Variants in PKM observed in about 807,000 individuals in gnomAD.
The protein encoded by PKM is pyruvate kinase M1/2.
Under a neutral mutation model 49.8 loss-of-function variants are expected in PKM, and 18 were observed. The ratio of observed to expected loss-of-function variants is 0.36; its 90% CI spans 0.25 to 0.54. The LOEUF (loss-of-function observed/expected upper bound fraction) is 0.54, where lower values mean the gene tolerates loss of function less well. Among genes scored for constraint, PKM ranks in the 20% least tolerant of loss-of-function variants. The probability of loss-of-function intolerance (pLI) is 0.89; values close to 1 mark genes in which losing one functional copy is unlikely to be tolerated. For synonymous variants in PKM, 239 were observed against 261.8 expected (o/e 0.91, Z 0.84); for missense variants, 508 against 713.8 (o/e 0.71, Z 3.28).
Position 72,199,512 on chromosome 15 carries a change from G to A in PKM, c.*138C>T, listed in dbSNP as rs768917291. ...AAACACAGCCATGTTTCAGTGAGGCGTTGATCTTCTTCCCTGGTGTCCCAA... is the reference window on the plus strand; with the variant it reads ...AAACACAGCCATGTTTCAGTGAGGCATTGATCTTCTTCCCTGGTGTCCCAA... On this transcript the variant is annotated 3_prime_UTR_variant, in exon 11 of 11. Transcript: ENST00000335181. 1.5e-5 allele frequency: 11 copies of A among 723,184 alleles called. No homozygotes were observed. The highest frequency in any genetic ancestry group is 4.0e-5 in the Admixed American group (2 of 50,006). The allele number at this position is 723,184 out of a possible 1,614,324, so 44.8% of individuals were successfully genotyped here.
Position 72,217,488 on chromosome 15 carries a change from C to A in PKM, c.167G>T (p.Arg56Leu). 1.2e-6 allele frequency: 2 copies of A among 1,607,228 alleles called. No homozygotes were observed. The highest frequency in any genetic ancestry group is 1.3e-5 in the African/African-American group (1 of 74,892). ...GIICTIGPAS[R>L]SVETLKEMIK... ...CATCTCCTTCAACGTCTCCACTGATCGGGAAGCTGGGCCTATTAGGAAAAG... is the reference window on the plus strand; with the variant it reads ...CATCTCCTTCAACGTCTCCACTGATAGGGAAGCTGGGCCTATTAGGAAAAG... Residue 56 changes from arginine (R) to leucine (L), a missense_variant, in exon 3 of 11, where the codon CGA becomes CTA. Coordinates refer to ENST00000335181, the MANE Select transcript of PKM (RefSeq NM_002654.6).
chr15:72,218,897 C>T (rs2082444134), intron 2 of PKM, 47 bp downstream of exon 2: 13 of 1,598,196 alleles, frequency 8.1e-6, no homozygotes, highest in African/African-American at 1.3e-5. Context: ...AGAGAAAGGT[C>T]ACTGCCCATG....
intron 4 of PKM, 181 bp from the exon 5 acceptor site, chr15:72,210,040 A>AT (rs2082209442): frequency 1.5e-6 from 1 of 667,958 alleles, no homozygotes; most frequent in Non-Finnish European, 2.7e-6. Flanking sequence ...CAAGAAAAGA[A>AT]TATGTTTCAG....
chr15:72,199,157 T>C lies in PKM; in HGVS notation c.*493A>G, dbSNP rs1596708864. On this transcript the variant is annotated 3_prime_UTR_variant, in exon 11 of 11. Coordinates refer to ENST00000335181, the MANE Select transcript of PKM (RefSeq NM_002654.6). ...TGCTGCAGGACAGCTGAGTGGAGGG[T>C]GGGGACAGGTGCAAACTGGAGAGGC... The C allele has an allele frequency of 3.1e-6, 1 of 326,330 alleles. No individual in the cohort carries two copies. The highest frequency in any genetic ancestry group is 6.0e-6 in the Non-Finnish European group (1 of 166,114). The allele number at this position is 326,330 out of a possible 1,614,324, so 20.2% of individuals were successfully genotyped here.
chr15:72,212,861 G>A (rs1177689745), intron 3 of PKM, among the ~76,000 whole-genome samples: 2 of 152,146 alleles, frequency 1.3e-5, no homozygotes, highest in African/African-American at 4.8e-5. Context: ...CACAAGGTCA[G>A]GAGATCGAGA....
intron 1 of PKM, chr15:72,228,713 G>A (rs2082758322): frequency 3.2e-6 from 3 of 943,148 alleles, no homozygotes. Flanking sequence ...TGCCCCCACA[G>A]CACCTCAGGC....
At chr15:72,217,697 T>G (rs2082410998) in intron 2 of PKM, among the ~76,000 whole-genome samples, 197 bp from the exon 3 acceptor site, 1 of 152,194 alleles carries the variant, frequency 6.6e-6, no homozygotes, top group Admixed American at 6.5e-5. Flanking sequence ...TTCGACCATT[T>G]CCTTCAAGTT....
At position 72,200,980 on chromosome 15, in the gene PKM, A is replaced by G; in HGVS notation, c.1308-325T>C. On this transcript the variant is annotated intron_variant, in intron 9 of 10. Transcript: ENST00000335181. The surrounding 1 kb of genome is among the most constrained non-coding windows in gnomAD (Gnocchi z 4.6). ...CCTCCTACACCCTGAACTCTGACAC[A>G]GAGAGGCAGCCCTGGCCCAATGTCA... The G allele has an allele frequency of 3.5e-6, 1 of 283,470 alleles. No homozygotes were observed. The highest frequency in any genetic ancestry group is 6.8e-6 in the Non-Finnish European group (1 of 148,110). 17.6% of individuals were successfully genotyped at this position (283,470 alleles called of 1,614,324 possible).
chr15:72,200,372 G>A lies in PKM; in HGVS notation c.1489+102C>T. 3 of 1,049,072 alleles carry A rather than the reference G, an allele frequency of 2.9e-6. No individual in the cohort carries two copies. The highest frequency in any genetic ancestry group is 3.7e-5 in the Admixed American group (2 of 54,012). 65.0% of individuals were successfully genotyped at this position (1,049,072 alleles called of 1,614,324 possible). A position where few individuals can be genotyped will look rare whatever the true frequency, so the allele number is the denominator to read the frequency against. ...GGCCTTTTGCCCCACTAAGGTCTGT[G>A]TGTTCCCCTTTCTATTCCCCAAACT... On this transcript the variant is annotated intron_variant, in intron 10 of 10. Transcript: ENST00000335181. This position sits in a 1 kb window ranked among gnomAD's most constrained non-coding sequence, Gnocchi z 4.6.
chr15:72,201,083 G>A (rs936033638), intron 9 of PKM: 2 of 175,928 alleles, frequency 1.1e-5, no homozygotes, highest in Admixed American at 1.1e-4. Context: ...CTTGACATCT[G>A]CAAGGAGCAG....
intron 1 of PKM, among the ~76,000 whole-genome samples, chr15:72,226,861 G>C (rs3743225): frequency 6.6e-6 from 1 of 152,324 alleles, no homozygotes; most frequent in Non-Finnish European, 1.5e-5. Flanking sequence ...TACTGCAGCC[G>C]GCTTGTTCCC....
chr15:72,224,088 C>T (rs2082598092), intron 1 of PKM, among the ~76,000 whole-genome samples: 1 of 152,144 alleles, frequency 6.6e-6, no homozygotes, highest in Non-Finnish European at 1.5e-5. Flanking sequence ...GGTGAAGAAG[C>T]CCTAAGTCAG....
Position 72,200,607 on chromosome 15 carries a change from A to G in PKM, c.1356T>C (p.Ala452=), listed in dbSNP as rs1181526207. ...ARYRPRAPII[A]VTRNPQTARQ... ...GAGCTGTCTGGGGATTCCGGGTCACAGCAATGATGGGGGCACGTGGGCGGT... is the reference window on the plus strand; with the variant it reads ...GAGCTGTCTGGGGATTCCGGGTCACGGCAATGATGGGGGCACGTGGGCGGT... The change falls in exon 10 of 11, where the codon GCT becomes GCC. Residue 452 remains alanine (A), a synonymous_variant. Transcript: ENST00000335181. This position sits in a 1 kb window ranked among gnomAD's most constrained non-coding sequence, Gnocchi z 4.6. 11 of 1,613,812 alleles carry G rather than the reference A, an allele frequency of 6.8e-6. No homozygotes were observed. The highest frequency in any genetic ancestry group is 8.5e-6 in the Non-Finnish European group (10 of 1,179,788).
At chr15:72,227,763 A>AC (rs1032744144) in intron 1 of PKM, among the ~76,000 whole-genome samples, 1 of 134,678 alleles carries the variant, frequency 7.4e-6, no homozygotes, top group African/African-American at 3.4e-5. Flanking sequence ...AAAAAAAAAA[A>AC]AAAAAAAAAA....
At chr15:72,210,860 A>T (rs937652461) in intron 3 of PKM, among the ~76,000 whole-genome samples, 2 of 152,138 alleles carry the variant, frequency 1.3e-5, no homozygotes, top group African/African-American at 4.8e-5. Flanking sequence ...TAAAGCTCAT[A>T]AACAGGGCAA....
intron 1 of PKM, among the ~76,000 whole-genome samples, chr15:72,223,740 A>C (rs1312584294): frequency 6.6e-6 from 1 of 152,166 alleles, no homozygotes. Flanking sequence ...TAATGACAAT[A>C]ATGTATTTGC....
chr15:72,205,180 C>T (rs761663519), intron 8 of PKM, among the ~76,000 whole-genome samples: 162 of 152,056 alleles, frequency 1.1e-3, no homozygotes, highest in Non-Finnish European at 1.9e-3. Context: ...CTGGTACCAT[C>T]TTGGCTCACT....
chr15:72,203,084 G>A lies in PKM; in HGVS notation c.1141-464C>T, dbSNP rs530671315. On this transcript the variant is annotated intron_variant, in intron 8 of 10. Transcript: ENST00000335181. ...AACACTTATAAGAAGCCTCCACGCT[G>A]CCCATGGCCATGGCTTCCATGAGGT... The A allele has an allele frequency of 3.3e-5, 53 of 1,614,166 alleles. No individual in the cohort carries two copies. In the South Asian group the frequency reaches 5.3e-4, roughly 16 times the overall value.
chr15:72,226,797 G>T (rs1042666973), intron 1 of PKM, among the ~76,000 whole-genome samples: 1 of 152,216 alleles, frequency 6.6e-6, no homozygotes, highest in Admixed American at 6.5e-5. Context: ...GGCTCCCCAG[G>T]AGCTTTGTCT....
Sources: allele counts gnomAD v4.1 joint callset (sites outside exome capture counted in the v4.1 genomes callset), GRCh38; gene constraint gnomAD v4.1.1; non-coding constraint Gnocchi (gnomAD v3.1); transcripts MANE v1.5; gene names NCBI Gene and HGNC (gene_info 2026-07-23, HGNC 2026-07-21).